The following USP37 variants were observed in gnomAD, a reference collection of about 807,000 sequenced individuals.
The protein encoded by USP37 is ubiquitin carboxyl-terminal hydrolase 37.
Under a neutral mutation model 124.0 loss-of-function variants are expected in USP37, and 27 were observed. The observed-to-expected ratio is 0.22, with a 90% CI of 0.16 to 0.30. The LOEUF (loss-of-function observed/expected upper bound fraction) is 0.30, where lower values mean the gene tolerates loss of function less well. Ranked by LOEUF, USP37 falls within the 10% of genes least tolerant of loss-of-function variation. The pLI is 1.00. For synonymous variants in USP37, 365 were observed against 388.0 expected (o/e 0.94, Z 0.70); for missense variants, 889 against 1,140.4 (o/e 0.78, Z 3.17).
chr2:218,498,708 CAG>C (rs1689203240), intron 11 of USP37, among the ~76,000 whole-genome samples: 1 of 152,064 alleles, frequency 6.6e-6, no homozygotes, highest in Non-Finnish European at 1.5e-5. Context: ...GCCTCAGCAA[CAG>C]AGTGAGACTC....
chr2:218,557,941 A>AAAAAAAAAAAAAAAAAAAAAAAAAAAAG (rs1693111765), intron 4 of USP37, among the ~76,000 whole-genome samples: 1 of 147,938 alleles, frequency 6.8e-6, no homozygotes, highest in East Asian at 2.0e-4. Context: ...AAAAAAAAAA[A>AAAAAAAAAAAAAAAAAAAAAAAAAAAAG]AAAAAAAAAG....
intron 11 of USP37, among the ~76,000 whole-genome samples, chr2:218,503,956 G>A (rs1156774405): frequency 6.6e-6 from 1 of 152,142 alleles, no homozygotes; most frequent in Admixed American, 6.6e-5. Flanking sequence ...AATTTAGACT[G>A]GATGATCTAA....
At chr2:218,542,334 C>T (rs1011710976) in intron 8 of USP37, among the ~76,000 whole-genome samples, 4 of 152,178 alleles carry the variant, frequency 2.6e-5, no homozygotes, top group Non-Finnish European at 4.4e-5. Context: ...TAGTGTTTAA[C>T]AGACAGACTT....
chr2:218,471,049 C>T (rs1219498744), intron 20 of USP37, among the ~76,000 whole-genome samples: 3 of 152,164 alleles, frequency 2.0e-5, no homozygotes, highest in Non-Finnish European at 4.4e-5. Flanking sequence ...GAAAGTATTA[C>T]AAAACTGACT....
At chr2:218,560,512 T>G (rs922119651) in intron 3 of USP37, among the ~76,000 whole-genome samples, 5 of 152,214 alleles carry the variant, frequency 3.3e-5, no homozygotes, top group African/African-American at 4.8e-5. Flanking sequence ...TTTTCTGAAT[T>G]TATTCCATGT....
chr2:218,543,037 T>C (rs958888656), intron 8 of USP37, among the ~76,000 whole-genome samples: 1 of 152,218 alleles, frequency 6.6e-6, no homozygotes, highest in Non-Finnish European at 1.5e-5. Context: ...AAAACGGTCA[T>C]ATTAATGTCT....
intron 20 of USP37, among the ~76,000 whole-genome samples, chr2:218,472,425 TATA>T (rs1486158916): frequency 6.6e-6 from 1 of 152,044 alleles, no homozygotes; most frequent in African/African-American, 2.4e-5. Context: ...TTGCAGATAT[TATA>T]ATACTTTACC....
chr2:218,549,744 G>C, intron 6 of USP37, 65 bp downstream of exon 6: 3 of 1,489,700 alleles, frequency 2.0e-6, no homozygotes, highest in Non-Finnish European at 9.2e-7. Flanking sequence ...GATTACAGGC[G>C]TGAGCCACTG....
At chr2:218,459,327 C>T (rs534470453) in intron 23 of USP37, among the ~76,000 whole-genome samples, 1 of 152,312 alleles carries the variant, frequency 6.6e-6, no homozygotes, top group South Asian at 2.1e-4. Flanking sequence ...GCCTCAGCCT[C>T]CCAAATAGCT....
rs1689541959 is a variant in USP37 at position 218,453,305 on chromosome 2, C to G, written c.*1625G>C. ...TGAGATGGAGTCTCACTCTGTCACT[C>G]AGACTGCAGTGCAATGATGCGATCT... On this transcript the variant is annotated 3_prime_UTR_variant, in exon 26 of 26. Transcript: ENST00000258399. The G allele has an allele frequency of 6.6e-6, 1 of 151,838 alleles. No individual in the cohort carries two copies. Among genetic ancestry groups the G allele is most frequent in the African/African-American group, 2.4e-5 (1 of 41,322 alleles). 9.4% of individuals were successfully genotyped at this position (151,838 alleles called of 1,614,324 possible). A position where few individuals can be genotyped will look rare whatever the true frequency, so the allele number is the denominator to read the frequency against.
At chr2:218,555,832 T>C (rs757134467) in intron 4 of USP37, among the ~76,000 whole-genome samples, 21 of 152,176 alleles carry the variant, frequency 1.4e-4, no homozygotes, top group Non-Finnish European at 2.6e-4. Flanking sequence ...CTCCGTATCA[T>C]GGAAGACATA....
intron 9 of USP37, among the ~76,000 whole-genome samples, chr2:218,531,403 T>C (rs1286547318): frequency 6.6e-6 from 1 of 152,244 alleles, no homozygotes; most frequent in Non-Finnish European, 1.5e-5. Flanking sequence ...CCACTACTGA[T>C]ACCCAATGCT....
chr2:218,477,888 G>A (rs1456513690), intron 18 of USP37, among the ~76,000 whole-genome samples: 4 of 152,178 alleles, frequency 2.6e-5, no homozygotes, highest in Non-Finnish European at 4.4e-5. Flanking sequence ...ATTCACTTAT[G>A]TGGAATCCTT....
At chr2:218,526,064 T>C (rs948987066) in intron 10 of USP37, among the ~76,000 whole-genome samples, 3 of 152,210 alleles carry the variant, frequency 2.0e-5, no homozygotes, top group Admixed American at 1.3e-4. Flanking sequence ...TGTATATGTA[T>C]CACGTTCTTT....
At chr2:218,557,452 C>A (rs1339142157) in intron 4 of USP37, among the ~76,000 whole-genome samples, 1 of 151,772 alleles carries the variant, frequency 6.6e-6, no homozygotes, top group East Asian at 1.9e-4. Flanking sequence ...TCCATCACCA[C>A]CTCTATCTTA....
At chr2:218,492,040 A>G (rs1688812660) in intron 14 of USP37, among the ~76,000 whole-genome samples, 1 of 152,008 alleles carries the variant, frequency 6.6e-6, no homozygotes, top group African/African-American at 2.4e-5. Flanking sequence ...TCTCTACAAA[A>G]AATCAAAAAA....
intron 10 of USP37, among the ~76,000 whole-genome samples, chr2:218,525,416 T>A (rs1398084645): frequency 2.0e-5 from 3 of 152,180 alleles, no homozygotes; most frequent in African/African-American, 7.2e-5. Context: ...CCCAGGAGGC[T>A]GAGGCTGCAG....
At chr2:218,459,055 A>G (rs562992540) in intron 23 of USP37, among the ~76,000 whole-genome samples, 115 of 139,356 alleles carry the variant, frequency 8.3e-4, no homozygotes, top group African/African-American at 2.6e-3. Flanking sequence ...GAGAAAAAGC[A>G]ATTATTTAAG....
intron 8 of USP37, among the ~76,000 whole-genome samples, chr2:218,535,658 C>A (rs1172735887): frequency 6.6e-6 from 1 of 151,982 alleles, no homozygotes; most frequent in East Asian, 1.9e-4. Context: ...AGATCAAGAC[C>A]ATCCTGGTTA....
Sources: gnomAD v4.1 joint callset for allele counts (sites outside exome capture counted in the v4.1 genomes callset) on GRCh38, gnomAD v4.1.1 for gene constraint, MANE v1.5 for transcripts, NCBI Gene and HGNC (gene_info 2026-07-23, HGNC 2026-07-21) for gene names.